ZNRF3: variants seen among roughly 807,000 people sequenced by gnomAD.
ZNRF3 encodes the protein zinc and ring finger 3, also known as E3 ubiquitin-protein ligase ZNRF3.
A neutral mutation model predicts 72.5 loss-of-function variants in ZNRF3; 23 were observed. The observed-to-expected ratio is 0.32, with a 90% CI of 0.23 to 0.45. The LOEUF is 0.45. Among genes scored for constraint, ZNRF3 ranks in the 20% least tolerant of loss-of-function variants. ZNRF3 has a pLI of 1.00. For missense variants in ZNRF3, 1,169 were observed against 1,272.1 expected, an observed-to-expected ratio of 0.92 and a Z score of 1.23; for synonymous variants, 610 against 545.3, an observed-to-expected ratio of 1.12 and a Z score of -1.65.
At chr22:28,930,973 C>G (rs759633999) in intron 1 of ZNRF3, among the ~76,000 whole-genome samples, 1 of 152,102 alleles carries the variant, frequency 6.6e-6, no homozygotes, top group Non-Finnish European at 1.5e-5. Context: ...AGTGAGCAGG[C>G]AGGGGGTGAG....
rs543686354 is a variant in ZNRF3 at position 29,038,367 on chromosome 22, C to T, written c.427-4128C>T. Among the ~76,000 whole-genome samples, 17 of 150,108 alleles carry T rather than the reference C, an allele frequency of 1.1e-4. 1 individual carries two copies. In the South Asian group the frequency reaches 1.7e-3, roughly 15 times the overall value. On this transcript the variant is annotated intron_variant, in intron 2 of 8. Coordinates refer to ENST00000544604, the MANE Select transcript of ZNRF3 (RefSeq NM_001206998.2). ...TTTTTTTTTTTTTAAGACAGGGTCT[C>T]GCCCTGTCGCCCAGGCTGGAGTGCA...
chr22:28,984,947 T>C (rs1245817929), intron 1 of ZNRF3, among the ~76,000 whole-genome samples: 1 of 152,206 alleles, frequency 6.6e-6, no homozygotes, highest in Non-Finnish European at 1.5e-5. Context: ...CTCTATCTCA[T>C]ATCTTGGAAT....
In ZNRF3 at chr22:29,043,398, G is replaced by T. The variant is rs1472507345; in HGVS notation, c.601G>T (p.Ala201Ser). Residue 201 changes from alanine to serine, a missense_variant, in exon 4 of 9, where the codon GCT becomes TCT. Ala to Ser is a moderately conservative substitution (Grantham distance 99). This residue lies in a region of ZNRF3 where 386 missense variants were observed against 540.7 expected (regional missense o/e 0.71). Coordinates refer to ENST00000544604, the MANE Select transcript of ZNRF3 (RefSeq NM_001206998.2). ...LMNIVNKQKV[A>S]RARIQHRPPR... Reference sequence around the variant, plus strand: ...GAACATCGTCAACAAGCAGAAAGTGGCTCGAGCAAGGATCCAGCACCGCCC... The same window carrying T: ...GAACATCGTCAACAAGCAGAAAGTGTCTCGAGCAAGGATCCAGCACCGCCC... 6.2e-7 allele frequency: 1 copy of T among 1,613,702 alleles called. No individual in the cohort carries two copies. Among genetic ancestry groups the T allele is most frequent in the African/African-American group, 1.3e-5 (1 of 74,866 alleles).
At chr22:28,903,750 C>T (rs780343091) in intron 1 of ZNRF3, among the ~76,000 whole-genome samples, 4 of 152,090 alleles carry the variant, frequency 2.6e-5, no homozygotes, top group African/African-American at 4.8e-5. Context: ...CAAGAGGTTC[C>T]ACTCCTTCCT....
rs1035494104 is a variant in ZNRF3 at position 29,030,953 on chromosome 22, C to A, written c.427-11542C>A. 6.6e-6 allele frequency: 1 copy of A among 152,448 alleles called. No individual in the cohort carries two copies. Among genetic ancestry groups the A allele is most frequent in the Non-Finnish European group, 1.5e-5 (1 of 68,274 alleles). The allele number at this position is 152,448 out of a possible 1,614,324, so 9.4% of individuals were successfully genotyped here. A position where few individuals can be genotyped will look rare whatever the true frequency, so the allele number is the denominator to read the frequency against. On this transcript the variant is annotated intron_variant, in intron 2 of 8. Coordinates refer to ENST00000544604, the MANE Select transcript of ZNRF3 (RefSeq NM_001206998.2). The surrounding 1 kb of genome is among the most constrained non-coding windows in gnomAD (Gnocchi z 4.2). ...TGCAGCCAAGCCCTGGAGCGAGGAG[C>A]CGGCGGGTGGAGCTGGCAGCACTGC...
In ZNRF3 at chr22:29,000,804, G is replaced by C. The variant is rs556292843; in HGVS notation, c.426+13603G>C. Among the ~76,000 whole-genome samples, 6 of 152,168 alleles carry C rather than the reference G, an allele frequency of 3.9e-5. No homozygotes were observed. In the East Asian group the frequency reaches 1.2e-3, roughly 29 times the overall value. On this transcript the variant is annotated intron_variant, in intron 2 of 8. Coordinates refer to ENST00000544604, the MANE Select transcript of ZNRF3 (RefSeq NM_001206998.2). ...AGCTGGTGTATCACACGGCGAGAGT[G>C]GGAATGAGATGGGGGTGGGATGCTT...
intron 2 of ZNRF3, among the ~76,000 whole-genome samples, chr22:29,019,506 C>G (rs534992885): frequency 6.6e-6 from 1 of 152,154 alleles, no homozygotes; most frequent in Non-Finnish European, 1.5e-5. Flanking sequence ...CAGGGAAAAA[C>G]AGTACCACTT....
chr22:28,970,423 A>G (rs2035548629), intron 1 of ZNRF3, among the ~76,000 whole-genome samples: 1 of 152,234 alleles, frequency 6.6e-6, no homozygotes, highest in Admixed American at 6.5e-5. Flanking sequence ...TGGTAATCCA[A>G]AATGGCACAG....
intron 2 of ZNRF3, among the ~76,000 whole-genome samples, chr22:29,019,598 C>T (rs1048571362): frequency 2.6e-5 from 4 of 152,146 alleles, no homozygotes; most frequent in Non-Finnish European, 5.9e-5. Flanking sequence ...TCCCCTCTGT[C>T]AAAGCAGTAC....
intron 2 of ZNRF3, among the ~76,000 whole-genome samples, chr22:29,004,220 A>T (rs1054475064): frequency 7.2e-5 from 11 of 152,234 alleles, no homozygotes; most frequent in African/African-American, 1.2e-4. Context: ...TTTGACTTTG[A>T]TTCAGTCTGA....
At chr22:29,003,304 C>T (rs544175383) in intron 2 of ZNRF3, among the ~76,000 whole-genome samples, 1 of 152,136 alleles carries the variant, frequency 6.6e-6, no homozygotes, top group South Asian at 2.1e-4. Flanking sequence ...ATCACGAGGG[C>T]AGGAGATAGA....
At chr22:28,959,423 C>T (rs2035318226) in intron 1 of ZNRF3, among the ~76,000 whole-genome samples, 1 of 152,162 alleles carries the variant, frequency 6.6e-6, no homozygotes. Flanking sequence ...AAGATTATGC[C>T]CATCTGTGGC....
At chr22:28,891,848 G>C (rs1419662795) in intron 1 of ZNRF3, among the ~76,000 whole-genome samples, 1 of 152,036 alleles carries the variant, frequency 6.6e-6, no homozygotes, top group Non-Finnish European at 1.5e-5. Context: ...AATCACAAAA[G>C]TCTCATTCTA....
At chr22:29,009,905 C>CTTTTTTTT (rs57028204) in intron 2 of ZNRF3, among the ~76,000 whole-genome samples, 2 of 123,566 alleles carry the variant, frequency 1.6e-5, no homozygotes, top group Non-Finnish European at 3.3e-5. Context: ...ACTTTTTCCT[C>CTTTTTTTT]TTTTTTTTTT....
At chr22:28,966,065 T>C (rs1343713601) in intron 1 of ZNRF3, among the ~76,000 whole-genome samples, 1 of 152,188 alleles carries the variant, frequency 6.6e-6, no homozygotes, top group East Asian at 1.9e-4. Flanking sequence ...GCAAGCAAAC[T>C]CCACCCACTC....
In ZNRF3 at chr22:28,975,457, G is replaced by T. The variant is rs1042068245; in HGVS notation, c.301-11619G>T. On this transcript the variant is annotated intron_variant, in intron 1 of 8. Coordinates refer to ENST00000544604, the MANE Select transcript of ZNRF3 (RefSeq NM_001206998.2). ...GTGGAGGTTGTAGTGAGCCGAGATC[G>T]AGATCGGGCCACTGCACTCCAGCCT... Among the ~76,000 whole-genome samples, 5 of 142,168 alleles carry T rather than the reference G, an allele frequency of 3.5e-5. No homozygotes were observed. The South Asian group carries it at 8.9e-4, about 25-fold the overall frequency. The allele number at this position is 142,168 out of a possible 152,430, so 93.3% of individuals were successfully genotyped here.
At chr22:29,051,289 G>A (rs2037201727) in intron 8 of ZNRF3, among the ~76,000 whole-genome samples, 1 of 152,056 alleles carries the variant, frequency 6.6e-6, no homozygotes, top group African/African-American at 2.4e-5. Flanking sequence ...TCTAATCTTG[G>A]CTCACCCAAC....
At chr22:28,976,311 C>T (rs2035673988) in intron 1 of ZNRF3, among the ~76,000 whole-genome samples, 1 of 152,012 alleles carries the variant, frequency 6.6e-6, no homozygotes, top group Non-Finnish European at 1.5e-5. Flanking sequence ...GAGTTGGATC[C>T]AGGAGTTTGA....
intron 1 of ZNRF3, among the ~76,000 whole-genome samples, chr22:28,914,401 A>ATAT (rs1461968620): frequency 6.6e-5 from 10 of 151,326 alleles, no homozygotes; most frequent in African/African-American, 2.4e-4. Flanking sequence ...CGGGGCTGAG[A>ATAT]TATCCCCCAT....
Sources: allele counts gnomAD v4.1 joint callset (sites outside exome capture counted in the v4.1 genomes callset), GRCh38; gene constraint gnomAD v4.1.1; regional missense constraint gnomAD v4.1.1; non-coding constraint Gnocchi (gnomAD v3.1); transcripts MANE v1.5; gene names NCBI Gene and HGNC (gene_info 2026-07-23, HGNC 2026-07-21).